Variants in NBPF8 observed in about 807,000 individuals in gnomAD.
NBPF8 encodes the protein NBPF family member NBPF8.
chr1:120,452,199 C>T (rs1553248974), exon 13 of NBPF8: 36 of 1,274,570 alleles, frequency 2.8e-5, no homozygotes, highest in Non-Finnish European at 3.5e-5. Flanking sequence ...AGATGCCTCC[C>T]TCTCATTGAA....
intron 22 of NBPF8, 53 bp from the exon 21 acceptor site, chr1:120,464,323 C>A (rs1266769850): frequency 8.2e-6 from 6 of 730,818 alleles, no homozygotes; most frequent in Middle Eastern, 3.7e-4. Context: ...ATTTGGGGTT[C>A]TGTTGTGTCT....
At chr1:120,429,116 G>C (rs2101543877) in intron 3 of NBPF8, among the ~76,000 whole-genome samples, 1 of 152,390 alleles carries the variant, frequency 6.6e-6, no homozygotes, top group African/African-American at 2.4e-5. Flanking sequence ...GTGCACACTT[G>C]TAGTTAGGTT....
chr1:120,460,333 G>T, intron 17 of NBPF8, among the ~76,000 whole-genome samples: 2 of 152,210 alleles, frequency 1.3e-5, no homozygotes, highest in Middle Eastern at 6.8e-3. Flanking sequence ...ATAAACCTAG[G>T]ACAGAGCACA....
rs1661339762 is a variant in NBPF8 at position 120,453,362 on chromosome 1, G to C, written n.2290-10G>C. The C allele has an allele frequency of 3.7e-6, 3 of 811,768 alleles. No homozygotes were observed. The highest frequency in any genetic ancestry group is 4.0e-6 in the Non-Finnish European group (2 of 501,430). 50.3% of individuals were successfully genotyped at this position (811,768 alleles called of 1,614,324 possible). On this transcript the variant is annotated splice_polypyrimidine_tract_variant and intron_variant and non_coding_transcript_variant, in intron 13 of 24. Transcript: ENST00000583271. ...GGGAAATATCTGAACGAACACTTCT[G>C]TATTTACAGAAAATGACAACGATGA...
intron 11 of NBPF8, among the ~76,000 whole-genome samples, chr1:120,449,920 G>A (rs1248883306): frequency 5.3e-5 from 8 of 152,144 alleles, no homozygotes; most frequent in Admixed American, 2.0e-4. Flanking sequence ...CTGTCTATAA[G>A]TGACAGCATC....
chr1:120,434,361 A>G (rs1459920201), upstream of NBPF8, among the ~76,000 whole-genome samples: 5 of 147,548 alleles, frequency 3.4e-5, no homozygotes, highest in Non-Finnish European at 7.4e-5. Flanking sequence ...TATATTATAT[A>G]TACGTGTATA....
At chr1:120,423,960 C>T (rs1660639623) in intron 1 of NBPF8, among the ~76,000 whole-genome samples, 2 of 151,872 alleles carry the variant, frequency 1.3e-5, no homozygotes, top group South Asian at 2.1e-4. Context: ...TAAAGAATTA[C>T]TTGTTATAAA....
intron 16 of NBPF8, among the ~76,000 whole-genome samples, chr1:120,455,894 T>C (rs1398019401): frequency 6.6e-6 from 1 of 152,150 alleles, no homozygotes; most frequent in Admixed American, 6.5e-5. Context: ...CTGCTTTCTC[T>C]TGTGGGCATT....
chr1:120,469,268 AAGGAAAGCTGGATACCC>A (rs1661844700), downstream of NBPF8, among the ~76,000 whole-genome samples: 2 of 141,198 alleles, frequency 1.4e-5, no homozygotes, highest in Admixed American at 1.5e-4. Flanking sequence ...CCCAAGATGG[AAGGAAAGCTGGATACCC>A]AGGAAAGCAT....
Position 120,466,362 on chromosome 1 carries a change from G to C in NBPF8, n.3953G>C, listed in dbSNP as rs878901632. 1.2e-4 allele frequency: 152 copies of C among 1,275,010 alleles called. 1 individual carries two copies. Among genetic ancestry groups the C allele is most frequent in the African/African-American group, 4.9e-4 (33 of 66,832 alleles). The allele number at this position is 1,275,010 out of a possible 1,614,324, so 79.0% of individuals were successfully genotyped here. A position where few individuals can be genotyped will look rare whatever the true frequency, so the allele number is the denominator to read the frequency against. ...GCATGGCTCTATTCCTATTCTCAGAGCATGCCAGTGGCAACCTGTGCTCAG... is the reference window on the plus strand; with the variant it reads ...GCATGGCTCTATTCCTATTCTCAGACCATGCCAGTGGCAACCTGTGCTCAG... On this transcript the variant is annotated non_coding_transcript_exon_variant, in exon 25 of 25. Coordinates refer to ENST00000583271, the Ensembl canonical transcript of NBPF8.
upstream of NBPF8, among the ~76,000 whole-genome samples, chr1:120,418,603 T>A (rs1699857): frequency 0.41 from 58,325 of 140,846 alleles, 12,946 homozygotes; most frequent in African/African-American, 0.52. Flanking sequence ...CAGGCTGGAG[T>A]GGAGTGGTAT....
At chr1:120,468,332 C>CTGAG (rs1212860465), downstream of NBPF8, among the ~76,000 whole-genome samples, 1 of 151,770 alleles carries the variant, frequency 6.6e-6, no homozygotes, top group Non-Finnish European at 1.5e-5. Context: ...TCATCACTTG[C>CTGAG]TGAGTGGTAC....
intron 3 of NBPF8, among the ~76,000 whole-genome samples, chr1:120,430,797 A>G (rs1660855011): frequency 6.6e-6 from 1 of 150,546 alleles, no homozygotes; most frequent in African/African-American, 2.4e-5. Context: ...AAATTTATGT[A>G]AGGCCAGTAC....
upstream of NBPF8, among the ~76,000 whole-genome samples, chr1:120,415,747 T>G (rs1660418601): frequency 6.6e-6 from 1 of 152,180 alleles, no homozygotes; most frequent in Non-Finnish European, 1.5e-5. Flanking sequence ...GGGCAACACA[T>G]GAGGCGCGTT....
chr1:120,449,807 A>G (rs1266435127), intron 11 of NBPF8, among the ~76,000 whole-genome samples: 1 of 152,216 alleles, frequency 6.6e-6, no homozygotes, highest in African/African-American at 2.4e-5. Context: ...TTGAGGCCCA[A>G]CAGACAAAGC....
In NBPF8 at chr1:120,460,347, G is replaced by A. The variant is rs1444831246; in HGVS notation, n.2785-226G>A. Among the ~76,000 whole-genome samples the A allele has an allele frequency of 9.5e-3, 1,446 of 152,086 alleles. 23 individuals are homozygous for A. The highest frequency in any genetic ancestry group is 0.033 in the African/African-American group (1,375 of 41,400). ...CATAAACCTAGGACAGAGCACATAGGGAAGATAACATTCCAACTCAGGGGA... is the reference window on the plus strand; with the variant it reads ...CATAAACCTAGGACAGAGCACATAGAGAAGATAACATTCCAACTCAGGGGA... On this transcript the variant is annotated intron_variant and non_coding_transcript_variant, in intron 17 of 24. Transcript: ENST00000583271.
chr1:120,468,786 G>A (rs1272377947), downstream of NBPF8, among the ~76,000 whole-genome samples: 3 of 151,508 alleles, frequency 2.0e-5, no homozygotes, highest in African/African-American at 7.3e-5. Context: ...CGCTTTCTGA[G>A]GATAGTTTTG....
At chr1:120,415,296 C>T (rs1553244947), upstream of NBPF8, among the ~76,000 whole-genome samples, 5,221 of 142,740 alleles carry the variant, frequency 0.037, 313 homozygotes, top group African/African-American at 0.13. Flanking sequence ...CGCGCCAGGC[C>T]GGGGGGCGGT....
chr1:120,460,788 T>A (rs1264482112), intron 18 of NBPF8, among the ~76,000 whole-genome samples, 164 bp downstream of exon 16: 16 of 151,808 alleles, frequency 1.1e-4, no homozygotes, highest in Admixed American at 6.6e-5. Flanking sequence ...AATGTTTAGG[T>A]TTCCATTTCT....
Sources: allele counts gnomAD v4.1 joint callset (sites outside exome capture counted in the v4.1 genomes callset), GRCh38; gene constraint gnomAD v4.1.1; transcripts MANE v1.5; gene names NCBI Gene and HGNC (gene_info 2026-07-23, HGNC 2026-07-21).